Variants in LRRC7 observed in about 807,000 individuals in gnomAD.
The protein encoded by LRRC7 is leucine-rich repeat-containing protein 7.
Under a neutral mutation model 175.7 loss-of-function variants are expected in LRRC7, and 23 were observed. The observed-to-expected ratio is 0.13, with a 90% CI of 0.09 to 0.19. The LOEUF is 0.19. Among genes scored for constraint, LRRC7 ranks in the 10% least tolerant of loss-of-function variants. LRRC7 has a pLI of 1.00. For synonymous variants in LRRC7, 685 were observed against 680.9 expected (o/e 1.01, Z -0.09); for missense variants, 1,354 against 1,904.7 (o/e 0.71, Z 5.38).
chr1:69,789,997 T>A (rs1674929039), intron 3 of LRRC7, among the ~76,000 whole-genome samples: 2 of 151,966 alleles, frequency 1.3e-5, no homozygotes. Flanking sequence ...CATATTGTAG[T>A]GCCATTAAGG....
chr1:69,744,178 TATAC>T (rs1247563001), intron 2 of LRRC7, among the ~76,000 whole-genome samples: 2 of 151,886 alleles, frequency 1.3e-5, no homozygotes, highest in Non-Finnish European at 2.9e-5. Context: ...AAGTGACTAC[TATAC>T]ATTATCTAAT....
intron 11 of LRRC7, among the ~76,000 whole-genome samples, chr1:69,996,323 G>A (rs1654961218): frequency 1.3e-5 from 2 of 152,058 alleles, no homozygotes; most frequent in African/African-American, 4.8e-5. Flanking sequence ...AGATGAGTAG[G>A]TTGCGAAAAT....
Position 69,911,330 on chromosome 1 carries a change from G to A in LRRC7, c.648-20177G>A, listed in dbSNP as rs145779400. ...CTGTAGACTGGAGCTGTTCCTATTC[G>A]GCCTTCTTGGCTCCACCCTGTTGTA... is the stretch of plus-strand genomic sequence containing the variant. On this transcript the variant is annotated intron_variant, in intron 7 of 26. Coordinates refer to ENST00000651989, the MANE Select transcript of LRRC7 (RefSeq NM_001370785.2). Among the ~76,000 whole-genome samples the A allele has an allele frequency of 8.2e-3, 1,253 of 152,200 alleles. 15 individuals are homozygous for A. The highest frequency in any genetic ancestry group is 0.027 in the African/African-American group (1,128 of 41,530).
intron 1 of LRRC7, among the ~76,000 whole-genome samples, chr1:69,591,715 A>T (rs1447138200): frequency 6.6e-6 from 1 of 152,036 alleles, no homozygotes; most frequent in Non-Finnish European, 1.5e-5. Flanking sequence ...TGATCAGGTG[A>T]GTACTTACCT....
At chr1:70,053,309 A>G (rs1426150181) in intron 23 of LRRC7, among the ~76,000 whole-genome samples, 164 bp downstream of exon 23, 1 of 152,224 alleles carries the variant, frequency 6.6e-6, no homozygotes, top group Non-Finnish European at 1.5e-5. Flanking sequence ...CATTGAAATG[A>G]ATGGAAAATA....
intron 3 of LRRC7, among the ~76,000 whole-genome samples, chr1:69,767,932 A>G (rs998830699): frequency 1.3e-5 from 2 of 152,048 alleles, no homozygotes; most frequent in Non-Finnish European, 2.9e-5. Flanking sequence ...TGCTTGCCCT[A>G]GGTGAGGGAA....
Position 69,568,570 on chromosome 1 carries a change from T to G in LRRC7, c.-70T>G, listed in dbSNP as rs1015194350. ...ACTCCACTGCGGACCCCTGAACACT[T>G]AAGGAATAACCCTTGGCAGCTGCAC... is the stretch of plus-strand genomic sequence containing the variant. On this transcript the variant is annotated 5_prime_UTR_variant, in exon 1 of 27. Transcript: ENST00000651989. 7.5e-6 allele frequency: 10 copies of G among 1,334,946 alleles called. No individual in the cohort carries two copies. The highest frequency in any genetic ancestry group is 1.2e-5 in the South Asian group (1 of 83,112). 82.7% of individuals were successfully genotyped at this position (1,334,946 alleles called of 1,614,324 possible). A position where few individuals can be genotyped will look rare whatever the true frequency, so the allele number is the denominator to read the frequency against.
intron 1 of LRRC7, among the ~76,000 whole-genome samples, chr1:69,648,723 T>C (rs949947735): frequency 6.6e-6 from 1 of 152,202 alleles, no homozygotes; most frequent in Admixed American, 6.5e-5. Flanking sequence ...CTCTTGCTAC[T>C]CTCTGCCCTC....
chr1:69,884,241 C>G lies in LRRC7; in HGVS notation c.647+45958C>G, dbSNP rs1686937132. ...TTTTCACGATATTGATTCTTCCTAC[C>G]CATGAGCATGGAATGTTCTTCCATT... On this transcript the variant is annotated intron_variant, in intron 7 of 26. Transcript: ENST00000651989. 2.3e-5 allele frequency among the ~76,000 whole-genome samples: 2 copies of G among 87,952 alleles called. 1 individual carries two copies. The highest frequency in any genetic ancestry group is 7.1e-4 in the South Asian group (2 of 2,806). 57.7% of individuals were successfully genotyped at this position (87,952 alleles called of 152,430 possible).
chr1:70,038,036 C>T, intron 20 of LRRC7, 77 bp from the exon 21 acceptor site: 1 of 1,512,126 alleles, frequency 6.6e-7, no homozygotes, highest in Non-Finnish European at 8.9e-7. Flanking sequence ...TGATGGCCCT[C>T]TTTGCTGCTT....
Position 69,635,810 on chromosome 1 carries a change from ACACAT to A in LRRC7, c.3-42565_3-42561del, listed in dbSNP as rs577178096. Among the ~76,000 whole-genome samples, 1,501 of 152,164 alleles carry A rather than the reference ACACAT, an allele frequency of 9.9e-3. 24 individuals carry two copies. Among genetic ancestry groups the A allele is most frequent in the African/African-American group, 0.035 (1,434 of 41,560 alleles). The stretch of plus-strand genomic sequence containing the variant: ...AATTAAAGATATATCAAAATAAGAT[ACACAT>A]CACATTACTGATGTTTTTTTAAAAA... On this transcript the variant is annotated intron_variant, in intron 1 of 26. Transcript: ENST00000651989.
intron 3 of LRRC7, among the ~76,000 whole-genome samples, chr1:69,787,412 A>G (rs1206143656): frequency 6.6e-6 from 1 of 152,202 alleles, no homozygotes; most frequent in Non-Finnish European, 1.5e-5. Context: ...CTCCGACCCC[A>G]CATTTCCCCT....
intron 1 of LRRC7, among the ~76,000 whole-genome samples, chr1:69,634,752 G>A (rs1570079530): frequency 6.6e-6 from 1 of 152,026 alleles, no homozygotes; most frequent in Non-Finnish European, 1.5e-5. Flanking sequence ...ATGGCACAAT[G>A]CAGCCACTGG....
intron 7 of LRRC7, among the ~76,000 whole-genome samples, chr1:69,855,254 T>C (rs1234489082): frequency 6.6e-6 from 1 of 152,184 alleles, no homozygotes; most frequent in Admixed American, 6.6e-5. Context: ...CTTTGTCTTG[T>C]GGGCATTTAG....
chr1:69,957,633 C>T (rs1286107228), intron 8 of LRRC7, among the ~76,000 whole-genome samples: 1 of 151,732 alleles, frequency 6.6e-6, no homozygotes, highest in Non-Finnish European at 1.5e-5. Flanking sequence ...TCATGCTGAA[C>T]AGAAGTAGTC....
intron 1 of LRRC7, among the ~76,000 whole-genome samples, chr1:69,660,183 G>A (rs7513822): frequency 0.18 from 27,889 of 151,634 alleles, 3,396 homozygotes; most frequent in Middle Eastern, 0.3. Context: ...CAGATTTTAA[G>A]GCAAATATTA....
intron 11 of LRRC7, among the ~76,000 whole-genome samples, chr1:69,999,503 T>C (rs543763729): frequency 6.6e-6 from 1 of 152,182 alleles, no homozygotes; most frequent in African/African-American, 2.4e-5. Flanking sequence ...GATAAAACTT[T>C]AATAGAGATT....
At chr1:69,856,371 C>G (rs981161097) in intron 7 of LRRC7, among the ~76,000 whole-genome samples, 1 of 151,736 alleles carries the variant, frequency 6.6e-6, no homozygotes, top group African/African-American at 2.4e-5. Context: ...ACTAGCAAGA[C>G]TAATAAAGAA....
chr1:69,638,327 A>T (rs1274054782), intron 1 of LRRC7, among the ~76,000 whole-genome samples: 1 of 151,834 alleles, frequency 6.6e-6, no homozygotes, highest in Non-Finnish European at 1.5e-5. Flanking sequence ...GGAATAATTA[A>T]TTCAGATCTG....
Sources: allele counts gnomAD v4.1 joint callset (sites outside exome capture counted in the v4.1 genomes callset), GRCh38; gene constraint gnomAD v4.1.1; transcripts MANE v1.5; gene names NCBI Gene and HGNC (gene_info 2026-07-23, HGNC 2026-07-21).